CCNL1: variants seen among roughly 807,000 people sequenced by gnomAD.
CCNL1 encodes the protein cyclin-L1.
Under a neutral mutation model 60.6 loss-of-function variants are expected in CCNL1, and 13 were observed. The ratio of observed to expected loss-of-function variants is 0.21; its 90% CI spans 0.14 to 0.34. The LOEUF (loss-of-function observed/expected upper bound fraction) is 0.34, where lower values mean the gene tolerates loss of function less well. Ranked by LOEUF, CCNL1 falls within the 10% of genes least tolerant of loss-of-function variation. The probability of loss-of-function intolerance (pLI) is 1.00; values close to 1 mark genes in which losing one functional copy is unlikely to be tolerated. For synonymous variants in CCNL1, 270 were observed against 244.3 expected, an observed-to-expected ratio of 1.10 and a Z score of -0.98; for missense variants, 481 against 664.3, an observed-to-expected ratio of 0.72 and a Z score of 3.03.
chr3:157,158,212 G>A (rs1560202240), intron 3 of CCNL1, among the ~76,000 whole-genome samples: 1 of 152,090 alleles, frequency 6.6e-6, no homozygotes. Flanking sequence ...CAAATAAATG[G>A]CCCTATCTAA....
At chr3:157,143,702 G>C (rs1737706669), downstream of CCNL1, among the ~76,000 whole-genome samples, 1 of 152,194 alleles carries the variant, frequency 6.6e-6, no homozygotes, top group Non-Finnish European at 1.5e-5. Context: ...GGCTTACTTA[G>C]AAGGGGTGGT....
chr3:157,146,261 G>T, downstream of CCNL1, among the ~76,000 whole-genome samples: 1 of 152,102 alleles, frequency 6.6e-6, no homozygotes, highest in Admixed American at 6.5e-5. Flanking sequence ...TGTTTAAATA[G>T]CCATAGAGTG....
At chr3:157,150,531 C>A in intron 5 of CCNL1, 150 bp from the exon 6 acceptor site, 2 of 1,380,270 alleles carry the variant, frequency 1.4e-6, no homozygotes, top group African/African-American at 1.4e-5. Context: ...ACTCTTAACT[C>A]AAAAAAATCA....
intron 3 of CCNL1, among the ~76,000 whole-genome samples, chr3:157,157,346 C>T (rs1738697882): frequency 6.6e-6 from 1 of 151,952 alleles, no homozygotes; most frequent in Non-Finnish European, 1.5e-5. Flanking sequence ...ATTTTAAATT[C>T]CATGGTTTTT....
At position 157,158,755 on chromosome 3, in the gene CCNL1, C is replaced by A. The variant is rs1738820335; in HGVS notation, c.488+111G>T. 12 of 648,414 alleles carry A rather than the reference C, an allele frequency of 1.9e-5. No homozygotes were observed. In the South Asian group the frequency reaches 1.9e-4, roughly 10 times the overall value. The allele number at this position is 648,414 out of a possible 1,614,324, so 40.2% of individuals were successfully genotyped here. A position where few individuals can be genotyped will look rare whatever the true frequency, so the allele number is the denominator to read the frequency against. ...TGAACTTTAACACCTAAATTAAAGT[C>A]CGTTTTCTTTTGCATCCGTATTCAC... On this transcript the variant is annotated intron_variant, in intron 3 of 10. Transcript: ENST00000295926.
Position 157,152,293 on chromosome 3 carries a change from A to T in CCNL1, c.610-52T>A, listed in dbSNP as rs767510599. The T allele has an allele frequency of 1.9e-5, 30 of 1,576,404 alleles. 1 individual carries two copies. In the South Asian group the frequency reaches 3.4e-4, roughly 18 times the overall value. On this transcript the variant is annotated intron_variant, in intron 4 of 10. Transcript: ENST00000295926. ...TTCAGTATACTGGTAGTTCTTTCGG[A>T]GTAGAGTTCAATGAAAAAAGTAATT... is the stretch of plus-strand genomic sequence containing the variant.
At chr3:157,157,452 T>C (rs891337848) in intron 3 of CCNL1, among the ~76,000 whole-genome samples, 14 of 152,244 alleles carry the variant, frequency 9.2e-5, no homozygotes, top group South Asian at 2.1e-4. Context: ...GTTGGCTCAA[T>C]GGTTCAAAGA....
chr3:157,151,897 G>A (rs925450352), intron 5 of CCNL1: 1 of 1,256,182 alleles, frequency 8.0e-7, no homozygotes, highest in South Asian at 1.4e-5. Flanking sequence ...AAGTGCAGAG[G>A]GCAGAGTTCT....
rs761277889 is a variant in CCNL1, at chr3:157,148,587, T to C, written c.1235A>G (p.Tyr412Cys). 3 of 1,577,810 alleles carry C rather than the reference T, an allele frequency of 1.9e-6. No individual in the cohort carries two copies. Among genetic ancestry groups the C allele is most frequent in the Non-Finnish European group, 2.6e-6 (3 of 1,165,570 alleles). Reference sequence around the variant, plus strand: ...TCCAGATCGACTCCGCCTATTATTATAGCTTAGATAATAAAAATTTGAAGT... The same window carrying C: ...TCCAGATCGACTCCGCCTATTATTACAGCTTAGATAATAAAAATTTGAAGT... Reference protein sequence around the residue: ...RSRSHTPRRHYNNRRSRSGTY... With the variant: ...RSRSHTPRRHCNNRRSRSGTY... Residue 412 changes from tyrosine to cysteine, a missense_variant and splice_region_variant, in exon 11 of 11, where the codon TAT (tyrosine) becomes TGT (cysteine). Tyr to Cys is a radical substitution (Grantham distance 194). Coordinates refer to ENST00000295926, the MANE Select transcript of CCNL1 (RefSeq NM_020307.4).
In CCNL1 at chr3:157,152,172, C is replaced by G. The variant is rs1738243053; in HGVS notation, c.674+5G>C. ...CTAGGAAAGAAATCTAAAAAAGTGA[C>G]TTACCAGGCAGTTTGAACCAGGGTT... On this transcript the variant is annotated splice_donor_5th_base_variant and intron_variant, in intron 5 of 10. Transcript: ENST00000295926. 1 of 1,609,812 alleles carries G rather than the reference C, an allele frequency of 6.2e-7. No homozygotes were observed. Among genetic ancestry groups the G allele is most frequent in the South Asian group, 1.1e-5 (1 of 89,794 alleles).
Position 157,153,141 on chromosome 3 carries a change from C to G in CCNL1, c.504G>C (p.Leu168=). The part of the protein sequence containing the change: ...QLRGKRTPSP[L]ILDQNYINTK... ...TGTTAATGTAGTTCTGATCAAGGAT[C>G]AGGGGGCTTGGAGTCCTATAGTTTG... is the stretch of plus-strand genomic sequence containing the variant. Residue 168 remains leucine (L), a synonymous_variant, in exon 4 of 11, where the codon CTG becomes CTC. Coordinates refer to ENST00000295926, the MANE Select transcript of CCNL1 (RefSeq NM_020307.4). 2 of 1,612,802 alleles carry G rather than the reference C, an allele frequency of 1.2e-6. No homozygotes were observed. Among genetic ancestry groups the G allele is most frequent in the Non-Finnish European group, 1.7e-6 (2 of 1,179,420 alleles).
Position 157,155,063 on chromosome 3 carries a change from T to C in CCNL1, c.489-1907A>G, listed in dbSNP as rs1738513677. Among the ~76,000 whole-genome samples the C allele has an allele frequency of 2.6e-5, 4 of 152,180 alleles. No individual in the cohort carries two copies. The South Asian group carries it at 6.2e-4, about 24-fold the overall frequency. ...AGTAAAACCAACTTCAGACTCTTTT[T>C]AACTTATGGCTGTGTTATCTAATGG... On this transcript the variant is annotated intron_variant, in intron 3 of 10. Coordinates refer to ENST00000295926, the MANE Select transcript of CCNL1 (RefSeq NM_020307.4).
intron 5 of CCNL1, chr3:157,151,337 C>A (rs1738177259): frequency 1.0e-6 from 1 of 985,684 alleles, no homozygotes; most frequent in South Asian, 4.7e-5. Flanking sequence ...TGTGGCTGAA[C>A]CACAAACTCC....
At chr3:157,150,733 T>A in intron 5 of CCNL1, 4 of 1,017,642 alleles carry the variant, frequency 3.9e-6, no homozygotes, top group Non-Finnish European at 4.7e-6. Flanking sequence ...ACCACTCCAA[T>A]AATACTTCAA....
Position 157,147,992 on chromosome 3 carries a change from A to G in CCNL1, c.*249T>C. 1 of 1,249,900 alleles carries G rather than the reference A, an allele frequency of 8.0e-7. No individual in the cohort carries two copies. The allele number at this position is 1,249,900 out of a possible 1,614,324, so 77.4% of individuals were successfully genotyped here. A position where few individuals can be genotyped will look rare whatever the true frequency, so the allele number is the denominator to read the frequency against. ...TCCAGTTCTTATAGCAATAAACAAT[A>G]CACAACTATAATAAAGTACAATTGA... is the stretch of plus-strand genomic sequence containing the variant. On this transcript the variant is annotated 3_prime_UTR_variant, in exon 11 of 11. Coordinates refer to ENST00000295926, the MANE Select transcript of CCNL1 (RefSeq NM_020307.4).
chr3:157,158,983 A>C lies in CCNL1; in HGVS notation c.379-8T>G. ...ACAAGCCATAGCAACAATCTGAAAG[A>C]ACCCATGAGCCACAAAAGCCATTGT... On this transcript the variant is annotated splice_polypyrimidine_tract_variant and splice_region_variant and intron_variant, in intron 2 of 10. Transcript: ENST00000295926. 1 of 1,581,904 alleles carries C rather than the reference A, an allele frequency of 6.3e-7. No homozygotes were observed. Among genetic ancestry groups the C allele is most frequent in the Non-Finnish European group, 8.7e-7 (1 of 1,154,328 alleles).
At position 157,148,236 on chromosome 3, in the gene CCNL1, G is replaced by C. The variant is rs749596489; in HGVS notation, c.*5C>G. 3.7e-5 allele frequency: 59 copies of C among 1,609,282 alleles called. No homozygotes were observed. Among genetic ancestry groups the C allele is most frequent in the Non-Finnish European group, 4.8e-5 (56 of 1,177,054 alleles). On this transcript the variant is annotated 3_prime_UTR_variant, in exon 11 of 11. Coordinates refer to ENST00000295926, the MANE Select transcript of CCNL1 (RefSeq NM_020307.4). Reference sequence around the variant, plus strand: ...GAACTGATGCAGGCTCAAAGGAAGAGAAAGTCAGCGCCTGTGCCTGCCATG... The same window carrying C: ...GAACTGATGCAGGCTCAAAGGAAGACAAAGTCAGCGCCTGTGCCTGCCATG...
chr3:157,158,142 A>G (rs964258509), intron 3 of CCNL1, among the ~76,000 whole-genome samples: 1 of 152,180 alleles, frequency 6.6e-6, no homozygotes, highest in Non-Finnish European at 1.5e-5. Context: ...GTCCACATAA[A>G]ATTATGTTAC....
chr3:157,155,513 CT>C (rs1376784352), intron 3 of CCNL1, among the ~76,000 whole-genome samples: 1 of 152,056 alleles, frequency 6.6e-6, no homozygotes, highest in Non-Finnish European at 1.5e-5. Flanking sequence ...TTGCTTAATC[CT>C]GCTATTTATT....
Sources: gnomAD v4.1 joint callset for allele counts (sites outside exome capture counted in the v4.1 genomes callset) on GRCh38, gnomAD v4.1.1 for gene constraint, MANE v1.5 for transcripts, NCBI Gene and HGNC (gene_info 2026-07-23, HGNC 2026-07-21) for gene names.